TMEM156: variants seen among roughly 807,000 people sequenced by gnomAD.
TMEM156 encodes the protein transmembrane protein 156.
In TMEM156, 28 loss-of-function variants were observed where a neutral mutation model predicts 30.5. The ratio of observed to expected loss-of-function variants is 0.92; its 90% CI spans 0.68 to 1.26. TMEM156 has a LOEUF of 1.26. TMEM156 is among the 50% of genes most tolerant of loss of function. The probability of loss-of-function intolerance (pLI) is 0.00; values close to 1 mark genes in which losing one functional copy is unlikely to be tolerated. For synonymous variants in TMEM156, 137 were observed against 119.9 expected (o/e 1.14, Z -0.93); for missense variants, 351 against 340.6 (o/e 1.03, Z -0.24).
intron 5 of TMEM156, among the ~76,000 whole-genome samples, chr4:38,985,161 G>GA (rs1404539140): frequency 1.3e-5 from 2 of 152,162 alleles, no homozygotes; most frequent in Non-Finnish European, 2.9e-5. Flanking sequence ...GGAGCCCAGG[G>GA]AAAAATGCCA....
In TMEM156 at chr4:38,992,673, TATAATATATTATATAATATATTATATAA is replaced by T. The variant is rs1156769771; in HGVS notation, c.619+1037_619+1064del. The stretch of plus-strand genomic sequence containing the variant: ...CATATCACAATGTGCTACATATATA[TATAATATATTATATAATATATTATATAA>T]TATATATATATTATATATATATAAT... On this transcript the variant is annotated intron_variant, in intron 3 of 6. Transcript: ENST00000381938. 7.7e-4 allele frequency among the ~76,000 whole-genome samples: 44 copies of T among 57,312 alleles called. No individual in the cohort carries two copies. In the South Asian group the frequency reaches 0.029, roughly 38 times the overall value. The allele number at this position is 57,312 out of a possible 152,430, so 37.6% of individuals were successfully genotyped here.
At chr4:38,989,353 A>G (rs2109932663) in intron 3 of TMEM156, among the ~76,000 whole-genome samples, 1 of 152,342 alleles carries the variant, frequency 6.6e-6, no homozygotes, top group East Asian at 1.9e-4. Flanking sequence ...GCCCAAAAAT[A>G]TGTCCTCAAA....
chr4:39,012,705 T>A (rs547472472), intron 1 of TMEM156, among the ~76,000 whole-genome samples: 1 of 152,000 alleles, frequency 6.6e-6, no homozygotes, highest in South Asian at 2.1e-4. Flanking sequence ...CTTGGGAGGC[T>A]GAGGCGGGCA....
intron 5 of TMEM156, 44 bp downstream of exon 5, chr4:38,986,292 G>A (rs1389103650): frequency 1.4e-6 from 2 of 1,385,460 alleles, no homozygotes; most frequent in Admixed American, 3.4e-5. Flanking sequence ...ATGCAGCTTT[G>A]GAATTTCCTG....
chr4:39,020,878 C>A (rs774908504), intron 1 of TMEM156, among the ~76,000 whole-genome samples: 1 of 152,094 alleles, frequency 6.6e-6, no homozygotes, highest in Non-Finnish European at 1.5e-5. Context: ...AGCCTTTATG[C>A]TGTCTGTCAT....
intron 4 of TMEM156, among the ~76,000 whole-genome samples, chr4:38,987,290 C>G (rs928092410): frequency 7.9e-5 from 12 of 152,204 alleles, no homozygotes; most frequent in Middle Eastern, 3.2e-3. Context: ...CACTTAACCT[C>G]TCTAAGTCTC....
intron 1 of TMEM156, among the ~76,000 whole-genome samples, chr4:39,026,849 C>T (rs529740537): frequency 4.6e-5 from 7 of 152,192 alleles, no homozygotes; most frequent in African/African-American, 1.4e-4. Flanking sequence ...ATGGCTTGAA[C>T]CCTGGGGTTG....
chr4:38,996,236 G>A (rs1183996055), intron 2 of TMEM156, among the ~76,000 whole-genome samples: 1 of 147,446 alleles, frequency 6.8e-6, no homozygotes, highest in Non-Finnish European at 1.5e-5. Context: ...GAAACACCTC[G>A]CACCTGTCAG....
At chr4:38,990,745 G>C (rs13111986) in intron 3 of TMEM156, among the ~76,000 whole-genome samples, 95,820 of 151,078 alleles carry the variant, frequency 0.63, 30,333 homozygotes, top group East Asian at 0.72. Context: ...CATTTAGTTT[G>C]ACCCCCTGAT....
chr4:39,008,528 T>C (rs964770280), intron 1 of TMEM156, among the ~76,000 whole-genome samples: 2 of 152,180 alleles, frequency 1.3e-5, no homozygotes, highest in Non-Finnish European at 2.9e-5. Flanking sequence ...CAAAGTTCTA[T>C]GTCTATATTT....
chr4:38,990,830 G>GTTTTTTTTTTTTTTTGTTT (rs1712375802), intron 3 of TMEM156, among the ~76,000 whole-genome samples: 1 of 81,214 alleles, frequency 1.2e-5, no homozygotes, highest in Non-Finnish European at 2.4e-5. Flanking sequence ...TTGTTTTCTG[G>GTTTTTTTTTTTTTTTGTTT]TTTTTTTTTT....
At chr4:38,996,357 G>C (rs372159997) in intron 2 of TMEM156, among the ~76,000 whole-genome samples, 7 of 149,732 alleles carry the variant, frequency 4.7e-5, no homozygotes, top group Non-Finnish European at 5.9e-5. Flanking sequence ...TCAGGAGTTT[G>C]AGACCAGCCT....
chr4:39,007,279 G>C (rs1013113245), intron 1 of TMEM156, among the ~76,000 whole-genome samples: 1 of 151,916 alleles, frequency 6.6e-6, no homozygotes, highest in Non-Finnish European at 1.5e-5. Flanking sequence ...GCAATCCTTC[G>C]CTCATTTCAA....
At chr4:39,031,905 A>AAAAAAAAAAAAAAAAC (rs60499521) in intron 1 of TMEM156, among the ~76,000 whole-genome samples, 2 of 129,252 alleles carry the variant, frequency 1.5e-5, no homozygotes, top group East Asian at 2.3e-4. Flanking sequence ...AAATAAAAAA[A>AAAAAAAAAAAAAAAAC]TAAAAAAAAA....
chr4:38,972,715 G>A (rs1205615390), intron 5 of TMEM156, among the ~76,000 whole-genome samples: 1 of 152,086 alleles, frequency 6.6e-6, no homozygotes, highest in Non-Finnish European at 1.5e-5. Context: ...GTGTGTAAGC[G>A]CCAGCCGTTT....
rs1392533841 is a variant in TMEM156 at position 38,971,096 on chromosome 4, C to T, written c.865G>A (p.Val289Met). The change falls in exon 6 of 7, where the codon GTG becomes ATG. Residue 289 changes from valine (V) to methionine (M), a missense_variant. Transcript: ENST00000381938. Reference protein sequence around the residue: ...QRLPLDQVQEVLPPIPEL With the variant: ...QRLPLDQVQEMLPPIPEL ...TATAGTTCTGGAATTGGGGGAAGCA[C>T]TTCCTGGACTTGATCCAAAGGCAGC... 2 of 1,614,020 alleles carry T rather than the reference C, an allele frequency of 1.2e-6. No homozygotes were observed. Among genetic ancestry groups the T allele is most frequent in the East Asian group, 2.2e-5 (1 of 44,878 alleles).
intron 4 of TMEM156, among the ~76,000 whole-genome samples, chr4:38,986,735 G>T (rs1281781203): frequency 7.5e-6 from 1 of 132,454 alleles, no homozygotes; most frequent in African/African-American, 2.8e-5. Context: ...TTGAACCCAG[G>T]AGGTGGAGGT....
chr4:38,980,041 T>C (rs574504503), intron 5 of TMEM156, among the ~76,000 whole-genome samples: 1 of 152,340 alleles, frequency 6.6e-6, no homozygotes, highest in Admixed American at 6.5e-5. Flanking sequence ...ATTTCTGTTA[T>C]TCAAGGTGCC....
intron 3 of TMEM156, 135 bp downstream of exon 3, chr4:38,993,603 A>C (rs1034584480): frequency 1.3e-6 from 1 of 747,130 alleles, no homozygotes; most frequent in Non-Finnish European, 2.1e-6. Flanking sequence ...ATAGACTAAC[A>C]TTCTTTCAGG....
Sources: gnomAD v4.1 joint callset for allele counts (sites outside exome capture counted in the v4.1 genomes callset) on GRCh38, gnomAD v4.1.1 for gene constraint, MANE v1.5 for transcripts, NCBI Gene and HGNC (gene_info 2026-07-23, HGNC 2026-07-21) for gene names.